The following TRIM5 variants were observed in gnomAD, a reference collection of about 807,000 sequenced individuals.
TRIM5 encodes tripartite motif containing 5.
TRIM5 carries 31 observed loss-of-function variants against 35.6 expected under a neutral mutation model. The ratio of observed to expected loss-of-function variants is 0.87; its 90% CI spans 0.65 to 1.18. The LOEUF is 1.18. Among genes scored for constraint, TRIM5 ranks in the 50% most tolerant of loss-of-function variants. The pLI is 0.00. For synonymous variants in TRIM5, 243 were observed against 215.6 expected (o/e 1.13, Z -1.11); for missense variants, 609 against 591.6 (o/e 1.03, Z -0.31).
chr11:5,630,641 T>C, the TRIM5 span, among the ~76,000 whole-genome samples: 1 of 152,240 alleles, frequency 6.6e-6, no homozygotes, highest in Non-Finnish European at 1.5e-5. Flanking sequence ...TGTATTCCTT[T>C]CTCATTATTC....
chr11:5,642,316 C>A, the TRIM5 span: 1 of 1,180,486 alleles, frequency 8.5e-7, no homozygotes, highest in South Asian at 1.4e-5. Context: ...TCAAGTGCAT[C>A]AGTGATGTGA....
At chr11:5,610,569 G>C in the TRIM5 span, 1 of 1,612,462 alleles carries the variant, frequency 6.2e-7, no homozygotes, top group Non-Finnish European at 8.5e-7. Context: ...GGGGTAAGTA[G>C]AAGCCATGGC....
intron 1 of TRIM5, among the ~76,000 whole-genome samples, chr11:5,681,796 T>C (rs1276971556): frequency 6.6e-6 from 1 of 152,166 alleles, no homozygotes; most frequent in Non-Finnish European, 1.5e-5. Context: ...TATCAGCTTT[T>C]AATATTTTTT....
intron 4 of TRIM5, among the ~76,000 whole-genome samples, chr11:5,669,182 C>T (rs556272151): frequency 5.8e-4 from 88 of 151,424 alleles, no homozygotes; most frequent in South Asian, 1.5e-3. Context: ...TGGGTTCAAG[C>T]GATTCTCCTG....
At chr11:5,636,888 T>C in the TRIM5 span, among the ~76,000 whole-genome samples, 3 of 152,216 alleles carry the variant, frequency 2.0e-5, no homozygotes, top group Non-Finnish European at 2.9e-5. Context: ...GGCTCACGCC[T>C]GTAATCCCAG....
Position 5,664,583 on chromosome 11 carries a change from G to T in TRIM5, c.*226C>A. ...TGAGGTATAGGTCAGTTTTCCTTAG[G>T]AGTACGGAAAATGATGAAAAAAATT... On this transcript the variant is annotated 3_prime_UTR_variant, in exon 8 of 8. Transcript: ENST00000380034. 1 of 1,279,890 alleles carries T rather than the reference G, an allele frequency of 7.8e-7. No homozygotes were observed. The highest frequency in any genetic ancestry group is 1.5e-5 in the African/African-American group (1 of 66,342). 79.3% of individuals were successfully genotyped at this position (1,279,890 alleles called of 1,614,324 possible). A position where few individuals can be genotyped will look rare whatever the true frequency, so the allele number is the denominator to read the frequency against.
At chr11:5,630,245 C>A in the TRIM5 span, among the ~76,000 whole-genome samples, 1 of 152,096 alleles carries the variant, frequency 6.6e-6, no homozygotes, top group Admixed American at 6.5e-5. Flanking sequence ...ATGGTGATGG[C>A]GATGTGTTTT....
the TRIM5 span, among the ~76,000 whole-genome samples, chr11:5,598,418 A>C: frequency 6.6e-6 from 1 of 152,226 alleles, no homozygotes; most frequent in Non-Finnish European, 1.5e-5. Flanking sequence ...ATGAATATCT[A>C]CAGCGCATAT....
downstream of TRIM5, among the ~76,000 whole-genome samples, chr11:5,658,436 C>G (rs944697603): frequency 6.6e-6 from 1 of 152,178 alleles, no homozygotes; most frequent in Non-Finnish European, 1.5e-5. Flanking sequence ...TCCAATTTTT[C>G]TGATACGTTA....
chr11:5,638,908 G>GT, the TRIM5 span, among the ~76,000 whole-genome samples: 32 of 149,924 alleles, frequency 2.1e-4, no homozygotes, highest in South Asian at 4.2e-4. Flanking sequence ...GAGTTACAAA[G>GT]TTTTTTTTTT....
chr11:5,643,814 G>C, the TRIM5 span: 4 of 1,419,706 alleles, frequency 2.8e-6, no homozygotes, highest in African/African-American at 5.7e-5. Context: ...CCCTTCTTTA[G>C]AACTTTTACT....
chr11:5,619,298 G>A, the TRIM5 span, among the ~76,000 whole-genome samples: 7 of 152,146 alleles, frequency 4.6e-5, no homozygotes, highest in African/African-American at 1.4e-4. Flanking sequence ...CCACATGATC[G>A]TACAAGAATA....
downstream of TRIM5, among the ~76,000 whole-genome samples, chr11:5,662,406 A>AT (rs1564901862): frequency 2.0e-5 from 3 of 152,076 alleles, no homozygotes; most frequent in South Asian, 2.1e-4. Context: ...GAGAACAAGT[A>AT]TTTTTTTGTC....
chr11:5,613,715 TTTCCAAG>T, the TRIM5 span, among the ~76,000 whole-genome samples: 13 of 152,234 alleles, frequency 8.5e-5, no homozygotes, highest in Non-Finnish European at 2.9e-5. Flanking sequence ...GTAAATTTAC[TTTCCAAG>T]TGAATTTACT....
the TRIM5 span, chr11:5,605,249 C>T: frequency 1.3e-6 from 2 of 1,577,158 alleles, no homozygotes; most frequent in African/African-American, 1.3e-5. Flanking sequence ...CCCAGGAAAG[C>T]AGTCCTGAGC....
chr11:5,664,837 G>A lies in TRIM5; in HGVS notation c.1454C>T (p.Pro485Leu). ...PYLNPRKCGV[P>L]MTLCSPSS Reference sequence around the variant, plus strand: ...AGAGCTTGGTGAGCACAGAGTCATGGGGACTCCACATTTTCTAGGATTTAA... The same window carrying A: ...AGAGCTTGGTGAGCACAGAGTCATGAGGACTCCACATTTTCTAGGATTTAA... The change falls in exon 8 of 8, where the codon CCC (proline) becomes CTC (leucine). Residue 485 changes from proline to leucine, a missense_variant. Pro to Leu is a moderately conservative substitution (Grantham distance 98, BLOSUM62 -3). Transcript: ENST00000380034. 1 of 1,606,828 alleles carries A rather than the reference G, an allele frequency of 6.2e-7. No individual in the cohort carries two copies.
At chr11:5,614,218 A>G in the TRIM5 span, among the ~76,000 whole-genome samples, 1 of 152,326 alleles carries the variant, frequency 6.6e-6, no homozygotes, top group South Asian at 2.1e-4. Flanking sequence ...TGTTAATGTA[A>G]AACAATCGGT....
At chr11:5,672,500 T>TG (rs1851653925) in intron 4 of TRIM5, among the ~76,000 whole-genome samples, 1 of 152,172 alleles carries the variant, frequency 6.6e-6, no homozygotes, top group Non-Finnish European at 1.5e-5. Flanking sequence ...TGTGAGCCCC[T>TG]GCAAAATATT....
At chr11:5,635,318 C>T in the TRIM5 span, among the ~76,000 whole-genome samples, 152 of 145,572 alleles carry the variant, frequency 1.0e-3, 1 homozygote, top group African/African-American at 3.7e-3. Flanking sequence ...TGCAGTGGTG[C>T]GATCTCGGCT....
Sources: allele counts gnomAD v4.1 joint callset (sites outside exome capture counted in the v4.1 genomes callset), GRCh38; gene constraint gnomAD v4.1.1; transcripts MANE v1.5; gene names NCBI Gene and HGNC (gene_info 2026-07-23, HGNC 2026-07-21).